The following MPP3 variants were observed in gnomAD, a reference collection of about 807,000 sequenced individuals.
MPP3 encodes MAGUK p55 subfamily member 3.
A neutral mutation model predicts 80.7 loss-of-function variants in MPP3; 48 were observed. The ratio of observed to expected loss-of-function variants is 0.59; its 90% CI spans 0.47 to 0.76. The LOEUF (loss-of-function observed/expected upper bound fraction) is 0.76. MPP3 is among the 30% of genes least tolerant of loss of function. The pLI, the probability that MPP3 is intolerant of heterozygous loss-of-function variation, is 0.00. For missense variants in MPP3, 620 were observed against 763.0 expected (o/e 0.81, Z 2.21); for synonymous variants, 311 against 297.6 (o/e 1.04, Z -0.46).
chr17:43,830,134 G>A lies in MPP3; in HGVS notation c.223-27C>T. 3 of 1,487,006 alleles carry A rather than the reference G, an allele frequency of 2.0e-6. No individual in the cohort carries two copies. In the Middle Eastern group the frequency reaches 5.5e-4, roughly 272 times the overall value. The allele number at this position is 1,487,006 out of a possible 1,614,324, so 92.1% of individuals were successfully genotyped here. A position where few individuals can be genotyped will look rare whatever the true frequency, so the allele number is the denominator to read the frequency against. On this transcript the variant is annotated intron_variant, in intron 5 of 19. Transcript: ENST00000398389. ...TGCAGAGAATGAGACAGGCGCCACT[G>A]ATGGCTAGAGGTGCCCCTGCCCCAT... is the stretch of plus-strand genomic sequence containing the variant.
At chr17:43,816,527 C>T in intron 13 of MPP3, 150 bp downstream of exon 13, 2 of 786,532 alleles carry the variant, frequency 2.5e-6, no homozygotes, top group South Asian at 3.2e-5. Flanking sequence ...CAAGGAACAG[C>T]CCAGTCCAGC....
At chr17:43,832,083 CAG>C in intron 2 of MPP3, 140 bp from the exon 3 acceptor site, 1 of 663,750 alleles carries the variant, frequency 1.5e-6, no homozygotes, top group Non-Finnish European at 2.7e-6. Flanking sequence ...TTACTTTTTT[CAG>C]AGAGGAAGGA....
At chr17:43,810,657 T>G in intron 18 of MPP3, 150 bp downstream of exon 18, 2 of 629,024 alleles carry the variant, frequency 3.2e-6, no homozygotes, top group Non-Finnish European at 5.6e-6. Flanking sequence ...AGGCTTTCAT[T>G]TGATTCTCAA....
chr17:43,825,840 G>A lies in MPP3; in HGVS notation c.525C>T (p.Gly175=), dbSNP rs1342779735. Residue 175 remains glycine (G), a splice_region_variant and synonymous_variant, in exon 9 of 20, where the codon GGC becomes GGT. Coordinates refer to ENST00000398389, the MANE Select transcript of MPP3 (RefSeq NM_001932.6). ...GGAGCTCATCTCCAACGTGGACCAG[G>A]CCTAGGAGACACAGGGACTGACCAT... ...IMRGGAADRS[G]LVHVGDELRE... 3 of 1,601,372 alleles carry A rather than the reference G, an allele frequency of 1.9e-6. No homozygotes were observed. The highest frequency in any genetic ancestry group is 8.6e-7 in the Non-Finnish European group (1 of 1,168,394).
chr17:43,830,958 T>A (rs1307211723), intron 5 of MPP3, among the ~76,000 whole-genome samples: 2 of 152,242 alleles, frequency 1.3e-5, no homozygotes, highest in East Asian at 3.9e-4. Context: ...GCCAATCCAA[T>A]GCTCTCATTT....
intron 11 of MPP3, 89 bp from the exon 12 acceptor site, chr17:43,818,199 G>A (rs564102021): frequency 8.2e-7 from 1 of 1,220,250 alleles, no homozygotes; most frequent in Non-Finnish European, 1.1e-6. Flanking sequence ...GGAAGCCAAG[G>A]CCTGGATCCC....
intron 10 of MPP3, among the ~76,000 whole-genome samples, chr17:43,821,634 C>G (rs954248775): frequency 1.3e-4 from 20 of 151,766 alleles, no homozygotes; most frequent in African/African-American, 4.6e-4. Context: ...GCCCTAATTC[C>G]CCCCTCTGCT....
intron 5 of MPP3, 145 bp from the exon 6 acceptor site, chr17:43,830,252 G>C: frequency 1.9e-6 from 1 of 522,394 alleles, no homozygotes. Context: ...GATGATCCTG[G>C]GAACATCACA....
chr17:43,809,854 G>C (rs1472632111), intron 18 of MPP3, among the ~76,000 whole-genome samples: 1 of 152,106 alleles, frequency 6.6e-6, no homozygotes, highest in Non-Finnish European at 1.5e-5. Flanking sequence ...ACTCCAGCCT[G>C]GGTGACAGAG....
At chr17:43,812,692 G>A (rs2044922190) in intron 16 of MPP3, among the ~76,000 whole-genome samples, 2 of 152,190 alleles carry the variant, frequency 1.3e-5, no homozygotes, top group Non-Finnish European at 2.9e-5. Context: ...TCTCCTATCT[G>A]TGGAGTGCCT....
At chr17:43,811,420 CT>C (rs1319208536) in intron 16 of MPP3, 3 of 553,338 alleles carry the variant, frequency 5.4e-6, no homozygotes, top group Admixed American at 3.1e-5. Flanking sequence ...CAAAAGGAGG[CT>C]TTTCCTTTTG....
intron 13 of MPP3, among the ~76,000 whole-genome samples, chr17:43,816,467 G>A (rs1163066116): frequency 5.3e-5 from 8 of 152,230 alleles, no homozygotes; most frequent in Non-Finnish European, 7.3e-5. Flanking sequence ...AGGAGGGCAG[G>A]GAGGTGCCCC....
intron 13 of MPP3, 25 bp downstream of exon 13, chr17:43,816,652 G>C: frequency 6.4e-7 from 1 of 1,566,484 alleles, no homozygotes; most frequent in Non-Finnish European, 8.7e-7. Context: ...CACGCCTGTG[G>C]ACAGCGGATA....
chr17:43,809,363 C>G (rs2154591176), intron 18 of MPP3, among the ~76,000 whole-genome samples: 1 of 152,288 alleles, frequency 6.6e-6, no homozygotes, highest in African/African-American at 2.4e-5. Flanking sequence ...TTAGCTCTGA[C>G]TCCTCCGGCT....
chr17:43,825,531 G>A, intron 9 of MPP3: 1 of 493,152 alleles, frequency 2.0e-6, no homozygotes, highest in Non-Finnish European at 3.7e-6. Flanking sequence ...GGAAGGCTGT[G>A]CTGAGGAGAA....
At chr17:43,820,639 C>CACACACACACACACACACACACACACAT (rs796095687) in intron 11 of MPP3, among the ~76,000 whole-genome samples, 3 of 145,388 alleles carry the variant, frequency 2.1e-5, no homozygotes, top group Non-Finnish European at 3.0e-5. Flanking sequence ...CACACACACA[C>CACACACACACACACACACACACACACAT]ATTAACTTAA....
At chr17:43,832,388 T>G (rs927228939) in intron 2 of MPP3, 1 of 191,712 alleles carries the variant, frequency 5.2e-6, no homozygotes, top group Admixed American at 6.4e-5. Flanking sequence ...CTGGCTCAAG[T>G]CTCCTGCTGG....
rs1226424805 is a variant in MPP3 at position 43,827,789 on chromosome 17, A to C, written c.485T>G (p.Val162Gly). 1.2e-6 allele frequency: 2 copies of C among 1,612,918 alleles called. No homozygotes were observed. Among genetic ancestry groups the C allele is most frequent in the Non-Finnish European group, 1.7e-6 (2 of 1,180,004 alleles). The change falls in exon 8 of 20, where the codon GTG becomes GGG. Residue 162 changes from valine (V) to glycine (G), a missense_variant. Coordinates refer to ENST00000398389, the MANE Select transcript of MPP3 (RefSeq NM_001932.6). ...RRDEHSGAVVVARIMRGGAAD... is the reference protein window; with the variant it reads ...RRDEHSGAVVGARIMRGGAAD... ...TGCGCCTCCTCGCATGATCCTGGCCACCACAACAGCCCCTGAGTGCTCGTC... is the reference window on the plus strand; with the variant it reads ...TGCGCCTCCTCGCATGATCCTGGCCCCCACAACAGCCCCTGAGTGCTCGTC...
At position 43,808,551 on chromosome 17, in the gene MPP3, T is replaced by C. The variant is rs150177701; in HGVS notation, c.1581+405A>G. Among the ~76,000 whole-genome samples the C allele has an allele frequency of 3.7e-3, 569 of 152,350 alleles. 4 individuals carry two copies. The highest frequency in any genetic ancestry group is 0.013 in the African/African-American group (530 of 41,580). On this transcript the variant is annotated intron_variant, in intron 19 of 19. Coordinates refer to ENST00000398389, the MANE Select transcript of MPP3 (RefSeq NM_001932.6). Reference sequence around the variant, plus strand: ...TTCATTCACTGATGATTCAAACTGGTTTGATAGCAGTGATAATGACCTTGT... The same window carrying C: ...TTCATTCACTGATGATTCAAACTGGCTTGATAGCAGTGATAATGACCTTGT...
Sources: gnomAD v4.1 joint callset for allele counts (sites outside exome capture counted in the v4.1 genomes callset) on GRCh38, gnomAD v4.1.1 for gene constraint, MANE v1.5 for transcripts, NCBI Gene and HGNC (gene_info 2026-07-23, HGNC 2026-07-21) for gene names.